Variants in SRGAP3 observed in about 807,000 individuals in gnomAD.
SRGAP3 encodes SLIT-ROBO Rho GTPase-activating protein 3.
In SRGAP3, 39 loss-of-function variants were observed where a neutral mutation model predicts 121.1. That is an observed-to-expected ratio of 0.32 (90% CI 0.25 to 0.42). The LOEUF is 0.42. Ranked by LOEUF, SRGAP3 falls within the 10% of genes least tolerant of loss-of-function variation. The pLI is 1.00. For missense variants in SRGAP3, 1,213 were observed against 1,470.6 expected, an observed-to-expected ratio of 0.82 and a Z score of 2.86; for synonymous variants, 601 against 570.0, an observed-to-expected ratio of 1.05 and a Z score of -0.77.
chr3:9,012,571 T>C (rs1274783044), intron 17 of SRGAP3, among the ~76,000 whole-genome samples: 4 of 152,184 alleles, frequency 2.6e-5, no homozygotes, highest in Non-Finnish European at 4.4e-5. Flanking sequence ...AAACTAGTGA[T>C]TGTTGACATG....
chr3:8,990,392 G>C, intron 21 of SRGAP3, 120 bp downstream of exon 21: 1 of 1,321,642 alleles, frequency 7.6e-7, no homozygotes, highest in South Asian at 1.3e-5. Context: ...TCACTCTCCT[G>C]TTCTCTGGCT....
At chr3:9,162,098 G>C (rs933112277) in intron 1 of SRGAP3, among the ~76,000 whole-genome samples, 5 of 152,144 alleles carry the variant, frequency 3.3e-5, no homozygotes, top group Admixed American at 2.6e-4. Flanking sequence ...ACTTACATGA[G>C]AGACCTAGAG....
intron 1 of SRGAP3, among the ~76,000 whole-genome samples, chr3:9,174,854 C>T (rs1292107153): frequency 6.6e-6 from 1 of 152,164 alleles, no homozygotes; most frequent in Admixed American, 6.5e-5. Context: ...CTGAGGGCAG[C>T]AGAAAGCAAG....
intron 1 of SRGAP3, among the ~76,000 whole-genome samples, chr3:9,198,440 A>C (rs1951973904): frequency 6.6e-6 from 1 of 152,238 alleles, no homozygotes; most frequent in African/African-American, 2.4e-5. Flanking sequence ...TCCTTATACA[A>C]GGTTCTGGGA....
intron 1 of SRGAP3, among the ~76,000 whole-genome samples, chr3:9,164,276 T>TTTTTTTTATTTATTTATTTATTTA (rs1553683179): frequency 1.4e-4 from 20 of 140,772 alleles, no homozygotes; most frequent in South Asian, 4.9e-4. Flanking sequence ...ACCCAGACTA[T>TTTTTTTTATTTATTTATTTATTTA]TTTATTTATT....
At chr3:9,174,150 C>T (rs1199874042) in intron 1 of SRGAP3, among the ~76,000 whole-genome samples, 1 of 152,104 alleles carries the variant, frequency 6.6e-6, no homozygotes, top group Admixed American at 6.6e-5. Flanking sequence ...ATATGAGGTA[C>T]CTAGAGGAGT....
At chr3:9,259,226 T>C (rs531140251) in intron 3 of SRGAP3, among the ~76,000 whole-genome samples, 15 of 152,096 alleles carry the variant, frequency 9.9e-5, no homozygotes, top group Non-Finnish European at 1.9e-4. Context: ...TTTTTTCATA[T>C]GGCTACCACA....
intron 1 of SRGAP3, among the ~76,000 whole-genome samples, chr3:9,170,594 C>T (rs1950942855): frequency 6.6e-6 from 1 of 152,222 alleles, no homozygotes; most frequent in Non-Finnish European, 1.5e-5. Context: ...TCCCTGAAGA[C>T]TCATGGACAT....
intron 12 of SRGAP3, among the ~76,000 whole-genome samples, chr3:9,029,923 T>C (rs988074667): frequency 6.6e-6 from 1 of 151,980 alleles, no homozygotes; most frequent in African/African-American, 2.4e-5. Context: ...GAAGGATCCC[T>C]TGGGCCCAGG....
intron 3 of SRGAP3, among the ~76,000 whole-genome samples, chr3:9,312,997 A>G (rs1268758254): frequency 3.9e-5 from 6 of 152,052 alleles, no homozygotes; most frequent in Non-Finnish European, 8.8e-5. Flanking sequence ...GTCTCTAAAA[A>G]TAAATAAATA....
chr3:9,188,076 C>T (rs9839438), intron 1 of SRGAP3, among the ~76,000 whole-genome samples: 33,973 of 152,056 alleles, frequency 0.22, 4,272 homozygotes, highest in African/African-American at 0.35. Context: ...ACAGTGATCA[C>T]AAAAAGCAAG....
chr3:9,149,490 C>T (rs1434669860), intron 1 of SRGAP3, among the ~76,000 whole-genome samples: 2 of 152,156 alleles, frequency 1.3e-5, no homozygotes, highest in Non-Finnish European at 2.9e-5. Flanking sequence ...AAATCTAGTT[C>T]CCCACTCCTT....
At chr3:9,056,191 C>A in intron 8 of SRGAP3, 42 bp downstream of exon 8, 3 of 1,602,820 alleles carry the variant, frequency 1.9e-6, no homozygotes, top group Non-Finnish European at 2.6e-6. Context: ...CAAGCCAGGC[C>A]TTCCAAAGAA....
intron 3 of SRGAP3, among the ~76,000 whole-genome samples, chr3:9,320,678 T>A (rs942185672): frequency 4.0e-5 from 6 of 151,894 alleles, no homozygotes; most frequent in Non-Finnish European, 8.8e-5. Flanking sequence ...TATTTCTTTA[T>A]AGCAGTGCAA....
At chr3:9,280,515 G>A (rs1030973390) in intron 3 of SRGAP3, among the ~76,000 whole-genome samples, 2 of 152,228 alleles carry the variant, frequency 1.3e-5, no homozygotes, top group Admixed American at 6.5e-5. Flanking sequence ...GTGTTGCTCC[G>A]TCATAAATAA....
rs138501200 is a variant in SRGAP3 at position 9,074,996 on chromosome 3, G to A, written c.486+5029C>T. On this transcript the variant is annotated intron_variant, in intron 4 of 21. Coordinates refer to ENST00000383836, the MANE Select transcript of SRGAP3 (RefSeq NM_014850.4). Reference sequence around the variant, plus strand: ...TGAACACAGAGGAAGAGACAGGTGGGGGGACACTGGACGTTCACTAGTTAC... The same window carrying A: ...TGAACACAGAGGAAGAGACAGGTGGAGGGACACTGGACGTTCACTAGTTAC... Among the ~76,000 whole-genome samples, 720 of 152,300 alleles carry A rather than the reference G, an allele frequency of 4.7e-3. 4 individuals carry two copies. The highest frequency in any genetic ancestry group is 9.3e-3 in the South Asian group (45 of 4,830).
intron 1 of SRGAP3, among the ~76,000 whole-genome samples, chr3:9,338,247 T>A (rs1170208027): frequency 1.3e-5 from 2 of 152,134 alleles, no homozygotes; most frequent in Non-Finnish European, 2.9e-5. Context: ...GAAAAGTGCT[T>A]GCATATATAG....
Position 8,982,843 on chromosome 3 carries a change from A to G in SRGAP3, c.*2676T>C, listed in dbSNP as rs1027168601. 2 of 87,772 alleles carry G rather than the reference A, an allele frequency of 2.3e-5. No individual in the cohort carries two copies. The highest frequency in any genetic ancestry group is 2.3e-4 in the East Asian group (1 of 4,332). 5.4% of individuals were successfully genotyped at this position (87,772 alleles called of 1,614,324 possible). A position where few individuals can be genotyped will look rare whatever the true frequency, so the allele number is the denominator to read the frequency against. ...AACTCATCAGCCATTTCCCAATGGA[A>G]AAAAAAAAAAAAGGTGCTTAAAGAA... On this transcript the variant is annotated 3_prime_UTR_variant, in exon 22 of 22. Coordinates refer to ENST00000383836, the MANE Select transcript of SRGAP3 (RefSeq NM_014850.4).
At chr3:9,261,879 A>ATT (rs1362653485) in intron 3 of SRGAP3, among the ~76,000 whole-genome samples, 2 of 141,536 alleles carry the variant, frequency 1.4e-5, no homozygotes, top group Non-Finnish European at 3.2e-5. Flanking sequence ...ATATATTTAA[A>ATT]AAAAAAAAAA....
Sources: gnomAD v4.1 joint callset for allele counts (sites outside exome capture counted in the v4.1 genomes callset) on GRCh38, gnomAD v4.1.1 for gene constraint, MANE v1.5 for transcripts, NCBI Gene and HGNC (gene_info 2026-07-23, HGNC 2026-07-21) for gene names.